Variants in MASP1 observed in about 807,000 individuals in gnomAD.
MASP1 encodes the protein MBL associated serine protease 1.
In MASP1, 59 loss-of-function variants were observed where a neutral mutation model predicts 77.1. The observed-to-expected ratio is 0.77, with a 90% CI of 0.62 to 0.95. MASP1 has a LOEUF of 0.95. MASP1 is among the 40% of genes least tolerant of loss of function. The probability of loss-of-function intolerance (pLI) is 0.00; values close to 1 mark genes in which losing one functional copy is unlikely to be tolerated. For synonymous variants in MASP1, 362 were observed against 354.5 expected, an observed-to-expected ratio of 1.02 and a Z score of -0.24; for missense variants, 885 against 912.9, an observed-to-expected ratio of 0.97 and a Z score of 0.39.
intron 6 of MASP1, 83 bp from the exon 7 acceptor site, chr3:187,251,835 G>A (rs1445598064): frequency 3.9e-5 from 40 of 1,021,042 alleles, no homozygotes; most frequent in Non-Finnish European, 7.8e-6. Context: ...AGCAAGGCCT[G>A]ATGAAGGTGA....
At chr3:187,238,679 C>T (rs138776833) in intron 10 of MASP1, among the ~76,000 whole-genome samples, 9 of 152,292 alleles carry the variant, frequency 5.9e-5, no homozygotes, top group East Asian at 5.8e-4. Flanking sequence ...AAAAATGGCT[C>T]GGCATTGCTT....
At chr3:187,261,449 T>C (rs1289495670) in intron 3 of MASP1, among the ~76,000 whole-genome samples, 1 of 152,168 alleles carries the variant, frequency 6.6e-6, no homozygotes, top group African/African-American at 2.4e-5. Flanking sequence ...GATAAACCAA[T>C]GGCCAACAAG....
rs1000455442 is a variant in MASP1, at chr3:187,236,321, G to A, written c.1550C>T (p.Thr517Ile). 1.2e-6 allele frequency: 2 copies of A among 1,614,154 alleles called. No individual in the cohort carries two copies. Among genetic ancestry groups the A allele is most frequent in the African/African-American group, 2.7e-5 (2 of 74,954 alleles). The change falls in exon 11 of 11, where the codon ACC becomes ATC. Residue 517 changes from threonine to isoleucine, a missense_variant. Thr to Ile is a moderately conservative substitution (Grantham distance 89). Transcript: ENST00000296280. The stretch of plus-strand genomic sequence containing the variant: ...CACATCATGCAAGCCCAGGTAGACG[G>A]TGACATGCTCCTTGGAGACTGGTAT... ...TVIPVSKEHV[T>I]VYLGLHDVRD...
intron 14 of MASP1, among the ~76,000 whole-genome samples, chr3:187,222,103 G>C (rs921479559): frequency 3.3e-5 from 5 of 152,176 alleles, no homozygotes; most frequent in African/African-American, 9.7e-5. Context: ...GGGTGGTCCT[G>C]AGGACAGATC....
At chr3:187,275,215 G>A (rs182806832) in intron 2 of MASP1, among the ~76,000 whole-genome samples, 4 of 152,280 alleles carry the variant, frequency 2.6e-5, no homozygotes, top group Non-Finnish European at 4.4e-5. Context: ...CAGAAGCTGC[G>A]TGGCTCCAGG....
rs373166870 is a variant in MASP1 at position 187,274,204 on chromosome 3, T to TA, written c.238-11485dup. Among the ~76,000 whole-genome samples, 834 of 137,550 alleles carry TA rather than the reference T, an allele frequency of 6.1e-3. 14 individuals carry two copies. The East Asian group carries it at 0.084, about 14-fold the overall frequency. The allele number at this position is 137,550 out of a possible 152,430, so 90.2% of individuals were successfully genotyped here. A position where few individuals can be genotyped will look rare whatever the true frequency, so the allele number is the denominator to read the frequency against. ...GCCTGGGTGACAGAGCGAGACTCCA[T>TA]AAAAAAAAAAAAAGTAATAAAAATA... On this transcript the variant is annotated intron_variant, in intron 2 of 10. Coordinates refer to ENST00000296280, the MANE Select transcript of MASP1 (RefSeq NM_139125.4).
intron 11 of MASP1, among the ~76,000 whole-genome samples, chr3:187,228,526 A>C: frequency 6.7e-6 from 1 of 150,212 alleles, no homozygotes; most frequent in Non-Finnish European, 1.5e-5. Context: ...GCCCGCCAGT[A>C]CCTCCTCCTC....
At chr3:187,257,576 G>A (rs1037096251) in intron 4 of MASP1, among the ~76,000 whole-genome samples, 1 of 151,974 alleles carries the variant, frequency 6.6e-6, no homozygotes, top group East Asian at 1.9e-4. Context: ...GTAGAGATGG[G>A]GTCTTGCTAT....
At chr3:187,261,445 C>A (rs1272902217) in intron 3 of MASP1, among the ~76,000 whole-genome samples, 3 of 152,162 alleles carry the variant, frequency 2.0e-5, no homozygotes, top group Non-Finnish European at 4.4e-5. Flanking sequence ...AAGGGATAAA[C>A]CAATGGCCAA....
intron 1 of MASP1, among the ~76,000 whole-genome samples, chr3:187,286,891 T>G (rs1717903637): frequency 6.6e-6 from 1 of 152,200 alleles, no homozygotes; most frequent in Non-Finnish European, 1.5e-5. Context: ...TTCTGATTTC[T>G]GTTCATGGTA....
At chr3:187,260,024 C>A (rs1414913985) in intron 4 of MASP1, among the ~76,000 whole-genome samples, 1 of 152,182 alleles carries the variant, frequency 6.6e-6, no homozygotes, top group Non-Finnish European at 1.5e-5. Context: ...TGTTTGCCTG[C>A]ACAGGTCTGA....
At chr3:187,220,918 C>G (rs1439673312) in intron 15 of MASP1, 2 of 765,126 alleles carry the variant, frequency 2.6e-6, no homozygotes, top group African/African-American at 1.7e-5. Flanking sequence ...TTCCTCCAGT[C>G]CCCCGCGCCC....
intron 2 of MASP1, among the ~76,000 whole-genome samples, chr3:187,269,605 C>T (rs989596982): frequency 1.3e-5 from 2 of 152,174 alleles, no homozygotes; most frequent in African/African-American, 2.4e-5. Context: ...CCACTCTCAC[C>T]CCTCCAAGGA....
chr3:187,243,690 A>G lies in MASP1; in HGVS notation c.1091-69T>C, dbSNP rs710460. 1,570,369 of 1,583,434 alleles carry G rather than the reference A, an allele frequency of 0.99. 779,586 individuals are homozygous for G. Among genetic ancestry groups the G allele is most frequent in the East Asian group, 1 (44,737 of 44,738 alleles). ...CCTCCTTTGGCTATCTGATGGATCT[A>G]TCTCATGCAGATGTACAGGTTGTGC... On this transcript the variant is annotated intron_variant, in intron 8 of 10. Transcript: ENST00000296280.
exon 16 of MASP1, chr3:187,220,238 C>T: frequency 6.2e-7 from 1 of 1,614,130 alleles, no homozygotes; most frequent in Non-Finnish European, 8.5e-7. Flanking sequence ...CCTCCAGAGT[C>T]ACCCGCACAG....
intron 1 of MASP1, among the ~76,000 whole-genome samples, chr3:187,287,763 C>A (rs191939848): frequency 6.6e-6 from 1 of 152,312 alleles, no homozygotes; most frequent in East Asian, 1.9e-4. Flanking sequence ...ACCATACCAG[C>A]ATCTTCAGAT....
At chr3:187,289,176 C>A (rs111887991) in intron 1 of MASP1, among the ~76,000 whole-genome samples, 1 of 140,628 alleles carries the variant, frequency 7.1e-6, no homozygotes, top group Non-Finnish European at 1.5e-5. Flanking sequence ...TTTCAGAGGC[C>A]CCCCGTAGGA....
At chr3:187,260,928 C>T (rs1452363467) in intron 3 of MASP1, 56 bp from the exon 4 acceptor site, 3 of 1,607,750 alleles carry the variant, frequency 1.9e-6, no homozygotes, top group African/African-American at 1.3e-5. Context: ...AAGACTACAG[C>T]CAACATTTAT....
At chr3:187,245,777 T>G (rs183153217) in intron 8 of MASP1, among the ~76,000 whole-genome samples, 2 of 152,328 alleles carry the variant, frequency 1.3e-5, no homozygotes, top group African/African-American at 4.8e-5. Context: ...CACTCTGGAA[T>G]CAAAACACCC....
Sources: gnomAD v4.1 joint callset for allele counts (sites outside exome capture counted in the v4.1 genomes callset) on GRCh38, gnomAD v4.1.1 for gene constraint, MANE v1.5 for transcripts, NCBI Gene and HGNC (gene_info 2026-07-23, HGNC 2026-07-21) for gene names.